MSH6: variants seen among roughly 807,000 people sequenced by gnomAD.
MSH6 encodes DNA mismatch repair protein Msh6.
A neutral mutation model predicts 119.1 loss-of-function variants in MSH6; 85 were observed. That is an observed-to-expected ratio of 0.71 (90% confidence interval 0.60 to 0.85). MSH6 has a LOEUF of 0.85. Among genes scored for constraint, MSH6 ranks in the 40% least tolerant of loss-of-function variants. The probability of loss-of-function intolerance (pLI) is 0.00; values close to 1 mark genes in which losing one functional copy is unlikely to be tolerated. For synonymous variants in MSH6, 830 were observed against 586.9 expected (o/e 1.41, Z -5.99); for missense variants, 2,163 against 1,655.3 (o/e 1.31, Z -5.32).
chr2:47,790,841 A>G (rs536102586), intron 1 of MSH6, 86 bp from the exon 2 acceptor site: 2 of 1,188,040 alleles, frequency 1.7e-6, no homozygotes, highest in South Asian at 1.2e-5. Flanking sequence ...ATGCCAGAAG[A>G]CTTGGAATTG....
chr2:47,793,713 G>A (rs931706765), intron 2 of MSH6, among the ~76,000 whole-genome samples: 2 of 151,550 alleles, frequency 1.3e-5, no homozygotes, highest in Non-Finnish European at 2.9e-5. Flanking sequence ...CCAATTTCGA[G>A]ATTTAAAAAA....
At chr2:47,783,526 G>A (rs1427167815) in intron 1 of MSH6, 33 bp downstream of exon 1, 2 of 1,410,050 alleles carry the variant, frequency 1.4e-6, no homozygotes, top group African/African-American at 1.5e-5. Context: ...GAAGGCGGGG[G>A]CATAGCGGCG....
intron 3 of MSH6, 78 bp downstream of exon 3, chr2:47,796,141 T>TA: frequency 7.1e-7 from 1 of 1,417,382 alleles, no homozygotes; most frequent in Non-Finnish European, 9.9e-7. Context: ...ATTAACAAGA[T>TA]ACCTTGTTTT....
Position 47,806,495 on chromosome 2 carries a change from C to A in MSH6, c.3845C>A (p.Thr1282Asn), listed in dbSNP as rs876660361. The change falls in exon 9 of 10, where the codon ACT (threonine) becomes AAT (asparagine). Residue 1282 changes from threonine (T) to asparagine (N), a missense_variant. Transcript: ENST00000234420. ...ENECEDPSQE[T>N]ITFLYKFIKG... ...GAATGTGAAGACCCCAGCCAGGAGA[C>A]TATTACGTTCCTCTATAAATTCATT... The A allele has an allele frequency of 3.1e-6, 5 of 1,613,884 alleles. No individual in the cohort carries two copies. In the Admixed American group the frequency reaches 6.7e-5, roughly 22 times the overall value.
Position 47,799,077 on chromosome 2 carries a change from G to C in MSH6, c.1094G>C (p.Trp365Ser), listed in dbSNP as rs587780558. 2 of 1,614,070 alleles carry C rather than the reference G, an allele frequency of 1.2e-6. No homozygotes were observed. The highest frequency in any genetic ancestry group is 1.7e-6 in the Non-Finnish European group (2 of 1,180,018). Reference sequence around the variant, plus strand: ...GATGACAGTAGTCGCCCTACTGTTTGGTATCATGAAACTTTAGAATGGCTT... The same window carrying C: ...GATGACAGTAGTCGCCCTACTGTTTCGTATCATGAAACTTTAGAATGGCTT... ...GGDDSSRPTV[W>S]YHETLEWLKE... Residue 365 changes from tryptophan to serine, a missense_variant, in exon 4 of 10, where the codon TGG becomes TCG. Coordinates refer to ENST00000234420, the MANE Select transcript of MSH6 (RefSeq NM_000179.3).
At chr2:47,788,382 G>A (rs112432539) in intron 1 of MSH6, among the ~76,000 whole-genome samples, 2,663 of 149,288 alleles carry the variant, frequency 0.018, 27 homozygotes, top group South Asian at 0.034. Context: ...AGCCTCCCGA[G>A]TAGCTGGGAT....
intron 5 of MSH6, among the ~76,000 whole-genome samples, chr2:47,804,143 T>C (rs1017404470): frequency 6.6e-6 from 1 of 151,978 alleles, no homozygotes; most frequent in Non-Finnish European, 1.5e-5. Flanking sequence ...CTTTTTTTTT[T>C]GTTGTTGCCA....
chr2:47,791,593 C>T (rs2104124907), intron 2 of MSH6, among the ~76,000 whole-genome samples: 1 of 152,148 alleles, frequency 6.6e-6, no homozygotes, highest in East Asian at 1.9e-4. Flanking sequence ...TCTTGTTTAT[C>T]ACAGACATCA....
Position 47,800,358 on chromosome 2 carries a change from T to C in MSH6, c.2375T>C (p.Leu792Pro), listed in dbSNP as rs587779236. The C allele has an allele frequency of 6.2e-7, 1 of 1,614,132 alleles. No homozygotes were observed. The highest frequency in any genetic ancestry group is 8.5e-7 in the Non-Finnish European group (1 of 1,180,034). The change falls in exon 4 of 10, where the codon CTA becomes CCA. Residue 792 changes from leucine to proline, a missense_variant. By Grantham distance (98) the Leu-to-Pro change is moderately conservative (BLOSUM62 -3). Coordinates refer to ENST00000234420, the MANE Select transcript of MSH6 (RefSeq NM_000179.3). ...LCNHYAINDR[L>P]DAIEDLMVVP... ...AACCATTATGCTATTAATGATCGTC[T>C]AGATGCCATAGAAGACCTCATGGTT...
At chr2:47,808,456 C>T, downstream of MSH6, 1 of 1,538,774 alleles carries the variant, frequency 6.5e-7, no homozygotes, top group Non-Finnish European at 8.8e-7. Context: ...AATTACTTTT[C>T]TCAAACATGT....
rs1553331552 is a variant in MSH6 at position 47,803,563 on chromosome 2, G to C, written c.3316G>C (p.Asp1106His). The C allele has an allele frequency of 1.2e-6, 2 of 1,614,118 alleles. No individual in the cohort carries two copies. Among genetic ancestry groups the C allele is most frequent in the Non-Finnish European group, 1.7e-6 (2 of 1,180,010 alleles). Residue 1106 changes from aspartate (D) to histidine (H), a missense_variant, in exon 5 of 10, where the codon GAT becomes CAT. Coordinates refer to ENST00000234420, the MANE Select transcript of MSH6 (RefSeq NM_000179.3). ...TTGCATTACGAAGACTTTTTTTGGA[G>C]ATGATTTTATTCCTAATGACATTCT... is the stretch of plus-strand genomic sequence containing the variant. Reference protein sequence around the residue: ...HPCITKTFFGDDFIPNDILIG... With the variant: ...HPCITKTFFGHDFIPNDILIG...
Position 47,801,110 on chromosome 2 carries a change from A to T in MSH6, c.3127A>T (p.Asn1043Tyr), listed in dbSNP as rs2104441590. The stretch of plus-strand genomic sequence containing the variant: ...GCGACTGTTCTATAACTTTGATAAA[A>T]ATTACAAGGACTGGCAGTCTGCTGT... ...MRRLFYNFDKNYKDWQSAVEC... is the reference protein window; with the variant it reads ...MRRLFYNFDKYYKDWQSAVEC... The change falls in exon 4 of 10, where the codon AAT becomes TAT. Residue 1043 changes from asparagine (N) to tyrosine (Y), a missense_variant. Coordinates refer to ENST00000234420, the MANE Select transcript of MSH6 (RefSeq NM_000179.3). 1 of 1,612,510 alleles carries T rather than the reference A, an allele frequency of 6.2e-7. No individual in the cohort carries two copies. The highest frequency in any genetic ancestry group is 8.5e-7 in the Non-Finnish European group (1 of 1,179,822).
Position 47,800,163 on chromosome 2 carries a change from C to G in MSH6, c.2180C>G (p.Thr727Ser), listed in dbSNP as rs767861096. The G allele has an allele frequency of 6.2e-7, 1 of 1,614,024 alleles. No individual in the cohort carries two copies. The highest frequency in any genetic ancestry group is 1.3e-5 in the African/African-American group (1 of 74,912). Residue 727 changes from threonine (T) to serine (S), a missense_variant, in exon 4 of 10, where the codon ACC (threonine) becomes AGC (serine). Transcript: ENST00000234420. ...VSTTRSGAIF[T>S]KAYQRMVLDA... ...ACTACAAGATCTGGTGCTATCTTCA[C>G]CAAAGCCTATCAACGAATGGTGCTA...
rs553046896 is a variant in MSH6, at chr2:47,783,329, C to T, written c.96C>T (p.Gly32=). The change falls in exon 1 of 10, where the codon GGC becomes GGT. Residue 32 remains glycine (G), a synonymous_variant. Coordinates refer to ENST00000234420, the MANE Select transcript of MSH6 (RefSeq NM_000179.3). ...KASARASREG[G]RAAAAPGASP... ...CGGCCAGGGCCTCACGCGAAGGCGG[C>T]CGTGCCGCCGCTGCCCCCGGGGCCT... is the stretch of plus-strand genomic sequence containing the variant. 5.6e-6 allele frequency: 9 copies of T among 1,609,816 alleles called. No homozygotes were observed. Among genetic ancestry groups the T allele is most frequent in the South Asian group, 1.1e-5 (1 of 90,850 alleles).
At position 47,806,751 on chromosome 2, in the gene MSH6, CTTT is replaced by C. The variant is rs59056100; in HGVS notation, c.4002-12_4002-10del. The C allele has an allele frequency of 9.9e-3, 14,215 of 1,437,648 alleles. 72 individuals carry two copies. Among genetic ancestry groups the C allele is most frequent in the African/African-American group, 0.062 (4,079 of 65,972 alleles). 89.1% of individuals were successfully genotyped at this position (1,437,648 alleles called of 1,614,324 possible). On this transcript the variant is annotated intron_variant, in intron 9 of 9. Transcript: ENST00000234420. ...GATGCACTATGAAAAAACAAAAAAACTTTTTTTTTTTTTTTTTTAATTTTAAGG... is the reference window on the plus strand; with the variant it reads ...GATGCACTATGAAAAAACAAAAAAACTTTTTTTTTTTTTTTAATTTTAAGG...
downstream of MSH6, chr2:47,809,070 G>A (rs556217536): frequency 1.1e-4 from 86 of 784,156 alleles, no homozygotes; most frequent in Middle Eastern, 2.9e-4. Context: ...TCTCAACACC[G>A]GCAAATAGCC....
At chr2:47,795,108 A>G (rs554253087) in intron 2 of MSH6, among the ~76,000 whole-genome samples, 4 of 152,172 alleles carry the variant, frequency 2.6e-5, no homozygotes, top group African/African-American at 7.2e-5. Context: ...GTTTTTAAGA[A>G]AGATTCTCAA....
Position 47,800,172 on chromosome 2 carries a change from A to C in MSH6, c.2189A>C (p.Tyr730Ser), listed in dbSNP as rs587782900. The change falls in exon 4 of 10, where the codon TAT becomes TCT. Residue 730 changes from tyrosine (Y) to serine (S), a missense_variant. Tyr to Ser is a moderately radical substitution (Grantham distance 144). Coordinates refer to ENST00000234420, the MANE Select transcript of MSH6 (RefSeq NM_000179.3). ...TCTGGTGCTATCTTCACCAAAGCCT[A>C]TCAACGAATGGTGCTAGATGCAGTG... ...TRSGAIFTKAYQRMVLDAVTL... is the reference protein window; with the variant it reads ...TRSGAIFTKASQRMVLDAVTL... The C allele has an allele frequency of 6.2e-7, 1 of 1,614,214 alleles. No homozygotes were observed. Among genetic ancestry groups the C allele is most frequent in the Non-Finnish European group, 8.5e-7 (1 of 1,180,032 alleles).
chr2:47,806,588 T>TTC lies in MSH6; in HGVS notation c.3939_3940dup (p.Gln1314LeufsTer14), dbSNP rs730881830. The TTC allele has an allele frequency of 6.2e-7, 1 of 1,613,590 alleles. No individual in the cohort carries two copies. Among genetic ancestry groups the TTC allele is most frequent in the Non-Finnish European group, 8.5e-7 (1 of 1,179,850 alleles). ...CTTGCTAATCTCCCAGAGGAAGTTA[T>TTC]TCAAAAGGGACATAGAAAAGCAAGA... On this transcript the variant is annotated frameshift_variant, in exon 9 of 10. Transcript: ENST00000234420. LOFTEE classifies it high-confidence loss of function.
Sources: allele counts gnomAD v4.1 joint callset (sites outside exome capture counted in the v4.1 genomes callset), GRCh38; gene constraint gnomAD v4.1.1; transcripts MANE v1.5; gene names NCBI Gene and HGNC (gene_info 2026-07-23, HGNC 2026-07-21).